The following SDK1 variants were observed in gnomAD, a reference collection of about 807,000 sequenced individuals.
The protein encoded by SDK1 is protein sidekick-1.
In SDK1, 157 loss-of-function variants were observed where a neutral mutation model predicts 245.5. The observed-to-expected ratio is 0.64, with a 90% CI of 0.56 to 0.73. The LOEUF (loss-of-function observed/expected upper bound fraction) is 0.73, where lower values mean the gene tolerates loss of function less well. SDK1 is among the 30% of genes least tolerant of loss of function. The pLI, the probability that SDK1 is intolerant of heterozygous loss-of-function variation, is 0.00. For missense variants in SDK1, 3,583 were observed against 3,002.3 expected (o/e 1.19, Z -4.52); for synonymous variants, 1,647 against 1,278.5 (o/e 1.29, Z -6.15).
chr7:4,263,330 A>C (rs1413382035), intron 44 of SDK1, among the ~76,000 whole-genome samples: 1 of 150,944 alleles, frequency 6.6e-6, no homozygotes, highest in Non-Finnish European at 1.5e-5. Flanking sequence ...CTGTAGGGGC[A>C]GGCAGAGTCC....
intron 22 of SDK1, among the ~76,000 whole-genome samples, chr7:4,081,313 G>T (rs1344458333): frequency 6.6e-6 from 1 of 152,196 alleles, no homozygotes; most frequent in Non-Finnish European, 1.5e-5. Flanking sequence ...GAGTCTGAGA[G>T]TGTTGCATTT....
intron 1 of SDK1, among the ~76,000 whole-genome samples, chr7:3,564,062 T>C (rs1779830979): frequency 6.6e-6 from 1 of 152,104 alleles, no homozygotes; most frequent in African/African-American, 2.4e-5. Flanking sequence ...AAAAGGACTT[T>C]ATAGCTTAAA....
Position 3,472,088 on chromosome 7 carries a change from T to C in SDK1, c.299-146992T>C, listed in dbSNP as rs1781202331. ...GCTGTGGTATTGTTTGCAGGTCCTT[T>C]CTTATCCTTTATCTGTGTCTCCTTC... On this transcript the variant is annotated intron_variant, in intron 1 of 44. Transcript: ENST00000404826. Among the ~76,000 whole-genome samples the C allele has an allele frequency of 2.0e-5, 3 of 152,322 alleles. No individual in the cohort carries two copies. In the South Asian group the frequency reaches 6.2e-4, roughly 32 times the overall value.
intron 31 of SDK1, 64 bp from the exon 32 acceptor site, chr7:4,161,722 C>A: frequency 7.1e-7 from 1 of 1,404,904 alleles, no homozygotes. Context: ...GAGGGTGGCC[C>A]TGGGAAGGGC....
chr7:3,565,831 T>C (rs774710373), intron 1 of SDK1, among the ~76,000 whole-genome samples: 4 of 152,246 alleles, frequency 2.6e-5, no homozygotes, highest in Non-Finnish European at 4.4e-5. Context: ...AGTCTGTACA[T>C]ATTCAGTACA....
At position 3,633,585 on chromosome 7, in the gene SDK1, A is replaced by G. The variant is rs542054838; in HGVS notation, c.459-5419A>G. ...GATTTTTAGTGGTTTACCAAGAGCC[A>G]TGTTTTTTTGTTTATTTTTTCTTTT... On this transcript the variant is annotated intron_variant, in intron 2 of 44. Transcript: ENST00000404826. Among the ~76,000 whole-genome samples, 11 of 152,190 alleles carry G rather than the reference A, an allele frequency of 7.2e-5. No individual in the cohort carries two copies. In the South Asian group the frequency reaches 2.1e-3, roughly 29 times the overall value.
intron 4 of SDK1, among the ~76,000 whole-genome samples, chr7:3,808,495 C>T (rs915688879): frequency 6.6e-6 from 1 of 152,206 alleles, no homozygotes; most frequent in African/African-American, 2.4e-5. Context: ...TAATTCCCAG[C>T]ACAGGTGTAA....
chr7:3,584,394 T>G (rs1289241594), intron 1 of SDK1, among the ~76,000 whole-genome samples: 3 of 152,156 alleles, frequency 2.0e-5, no homozygotes, highest in Non-Finnish European at 1.5e-5. Flanking sequence ...CCCTTCATTC[T>G]GGACCTTATT....
At chr7:3,965,420 C>G (rs923943311) in intron 9 of SDK1, among the ~76,000 whole-genome samples, 1 of 152,252 alleles carries the variant, frequency 6.6e-6, no homozygotes, top group East Asian at 1.9e-4. Flanking sequence ...ACTGTTACCA[C>G]GGCAGTGAGT....
intron 35 of SDK1, among the ~76,000 whole-genome samples, chr7:4,193,143 T>C (rs1466821704): frequency 7.7e-6 from 1 of 129,394 alleles, no homozygotes; most frequent in Non-Finnish European, 1.6e-5. Flanking sequence ...AATATATTAA[T>C]ATATTTATAT....
chr7:3,306,022 A>C (rs550995397), intron 1 of SDK1, among the ~76,000 whole-genome samples: 1 of 152,204 alleles, frequency 6.6e-6, no homozygotes, highest in East Asian at 1.9e-4. Flanking sequence ...TCTGAACATA[A>C]CTTGAGTTCA....
At chr7:3,304,755 C>G (rs1442409766) in intron 1 of SDK1, among the ~76,000 whole-genome samples, 1 of 152,176 alleles carries the variant, frequency 6.6e-6, no homozygotes, top group Non-Finnish European at 1.5e-5. Flanking sequence ...GTGTTTCCCC[C>G]TATTCCAGAC....
chr7:4,197,076 G>A (rs372000485), intron 35 of SDK1, among the ~76,000 whole-genome samples: 18 of 152,262 alleles, frequency 1.2e-4, no homozygotes, highest in East Asian at 9.7e-4. Context: ...CAATCCACAC[G>A]GGCAAACATG....
intron 1 of SDK1, among the ~76,000 whole-genome samples, chr7:3,352,075 C>T (rs1382740059): frequency 6.6e-6 from 1 of 150,504 alleles, no homozygotes; most frequent in Admixed American, 6.6e-5. Flanking sequence ...ACAGGAAAAT[C>T]CTTGTATGTC....
At chr7:3,466,920 A>G (rs371087227) in intron 1 of SDK1, among the ~76,000 whole-genome samples, 5 of 150,864 alleles carry the variant, frequency 3.3e-5, no homozygotes, top group Admixed American at 2.6e-4. Flanking sequence ...AAACCATCCA[A>G]TTCTTTTTCC....
chr7:3,492,787 G>C (rs1258929870), intron 1 of SDK1, among the ~76,000 whole-genome samples: 2 of 152,212 alleles, frequency 1.3e-5, no homozygotes, highest in Non-Finnish European at 2.9e-5. Context: ...ACAGAACGAT[G>C]CAGCTGTTTA....
At chr7:3,819,905 C>G (rs2115058321) in intron 4 of SDK1, among the ~76,000 whole-genome samples, 1 of 152,274 alleles carries the variant, frequency 6.6e-6, no homozygotes, top group East Asian at 1.9e-4. Context: ...TGAGAGATTA[C>G]TCATTTTGCA....
rs1183380347 is a variant in SDK1 at position 3,301,849 on chromosome 7, C to T, written c.263C>T (p.Ala88Val). 3.5e-6 allele frequency: 4 copies of T among 1,133,856 alleles called. No homozygotes were observed. In the South Asian group the frequency reaches 1.3e-4, roughly 36 times the overall value. The allele number at this position is 1,133,856 out of a possible 1,614,324, so 70.2% of individuals were successfully genotyped here. Reference protein sequence around the residue: ...PGRRGWWALLALQLHLLRALA... With the variant: ...PGRRGWWALLVLQLHLLRALA... Reference sequence around the variant, plus strand: ...CGCCGCGGCTGGTGGGCGCTGCTGGCGCTGCAGCTGCACTTGCTCCGGGCG... The same window carrying T: ...CGCCGCGGCTGGTGGGCGCTGCTGGTGCTGCAGCTGCACTTGCTCCGGGCG... Residue 88 changes from alanine to valine, a missense_variant, in exon 1 of 45, where the codon GCG becomes GTG. Ala to Val is a moderately conservative substitution (Grantham distance 64, BLOSUM62 0). Transcript: ENST00000404826.
At chr7:3,629,300 C>CAA (rs71029686) in intron 2 of SDK1, among the ~76,000 whole-genome samples, 1 of 111,240 alleles carries the variant, frequency 9.0e-6, no homozygotes, top group African/African-American at 3.3e-5. Flanking sequence ...TTCTCAGTCT[C>CAA]AAAAAAAAAA....
Sources: allele counts gnomAD v4.1 joint callset (sites outside exome capture counted in the v4.1 genomes callset), GRCh38; gene constraint gnomAD v4.1.1; transcripts MANE v1.5; gene names NCBI Gene and HGNC (gene_info 2026-07-23, HGNC 2026-07-21).